Variants in KLF8 observed in about 807,000 individuals in gnomAD.
KLF8 encodes the protein Krueppel-like factor 8.
KLF8 carries 10 observed loss-of-function variants against 18.2 expected under a neutral mutation model. The observed-to-expected ratio is 0.55, with a 90% CI of 0.34 to 0.93. The LOEUF (loss-of-function observed/expected upper bound fraction) is 0.93. Ranked by LOEUF, KLF8 falls within the 40% of genes least tolerant of loss-of-function variation. KLF8 has a pLI of 0.02. For missense variants in KLF8, 264 were observed against 277.9 expected, an observed-to-expected ratio of 0.95 and a Z score of 0.36; for synonymous variants, 109 against 97.3, an observed-to-expected ratio of 1.12 and a Z score of -0.71.
chrX:56,225,023 C>T, the KLF8 span, among the ~76,000 whole-genome samples: 1 of 110,883 alleles, frequency 9.0e-6, no homozygotes, highest in Non-Finnish European at 1.9e-5. Flanking sequence ...CTCATCTTTG[C>T]AGGTGGAGCC....
the KLF8 span, among the ~76,000 whole-genome samples, chrX:55,913,165 C>T: frequency 1.8e-5 from 2 of 111,994 alleles, no homozygotes; most frequent in East Asian, 5.6e-4. Flanking sequence ...CTGTCATGTT[C>T]AGTGCTCTCT....
the KLF8 span, among the ~76,000 whole-genome samples, chrX:56,203,482 G>A: frequency 8.9e-6 from 1 of 111,954 alleles, no homozygotes; most frequent in Non-Finnish European, 1.9e-5. Flanking sequence ...GTGGAATATT[G>A]CTCAAGAAAT....
At chrX:56,179,958 T>A in the KLF8 span, among the ~76,000 whole-genome samples, 1 of 111,465 alleles carries the variant, frequency 9.0e-6, no homozygotes, top group Admixed American at 9.6e-5. Flanking sequence ...TCTCTTTTTT[T>A]TCTTGTGTCT....
chrX:56,188,882 A>G, the KLF8 span, among the ~76,000 whole-genome samples: 1 of 112,235 alleles, frequency 8.9e-6, no homozygotes, highest in African/African-American at 3.2e-5. Context: ...AGATGGATGA[A>G]AGACTTAAAT....
chrX:56,268,642 A>G (rs1350815484), intron 3 of KLF8: 71 of 722,433 alleles, frequency 9.8e-5, no homozygotes, highest in Non-Finnish European at 1.1e-4. Context: ...AGTGAATGAT[A>G]TGCAAAGTAT....
At chrX:55,969,103 G>A in the KLF8 span, among the ~76,000 whole-genome samples, 48 of 111,773 alleles carry the variant, frequency 4.3e-4, no homozygotes, top group Admixed American at 5.7e-4. Context: ...TAGACCAAAT[G>A]GATCTAATAG....
chrX:56,108,690 G>A, the KLF8 span, among the ~76,000 whole-genome samples: 4 of 110,745 alleles, frequency 3.6e-5, no homozygotes, highest in African/African-American at 1.3e-4. Context: ...TCCCTATTTT[G>A]TTTACCTCTG....
the KLF8 span, among the ~76,000 whole-genome samples, chrX:56,053,834 G>C: frequency 9.0e-6 from 1 of 110,539 alleles, no homozygotes; most frequent in Non-Finnish European, 1.9e-5. Flanking sequence ...TTGTATTTCT[G>C]TAGGGTTTGT....
chrX:56,134,482 A>G, the KLF8 span, among the ~76,000 whole-genome samples: 7 of 111,943 alleles, frequency 6.3e-5, no homozygotes, highest in East Asian at 2.0e-3. Context: ...CTATATCCTC[A>G]TCTCTCACCT....
the KLF8 span, among the ~76,000 whole-genome samples, chrX:56,007,216 A>G: frequency 1.8e-5 from 2 of 111,162 alleles, no homozygotes; most frequent in African/African-American, 6.5e-5. Flanking sequence ...CATTCCTCTG[A>G]GTGGGCATGA....
At chrX:55,959,474 A>AGGAGAAGGTTGAAACCCATTCTAAGG in the KLF8 span, among the ~76,000 whole-genome samples, 1 of 112,226 alleles carries the variant, frequency 8.9e-6, no homozygotes, top group East Asian at 2.8e-4. Context: ...ATCAAGATAG[A>AGGAGAAGGTTGAAACCCATTCTAAGG]GGAGAAGGTT....
chrX:56,282,468 CTTGATA>C lies in KLF8; in HGVS notation c.899-1843_899-1838del, dbSNP rs1380507357. 7.2e-5 allele frequency among the ~76,000 whole-genome samples: 8 copies of C among 111,825 alleles called. No homozygotes were observed. In the Admixed American group the frequency reaches 7.6e-4, roughly 11 times the overall value. On this transcript the variant is annotated intron_variant, in intron 5 of 5. Coordinates refer to ENST00000468660, the MANE Select transcript of KLF8 (RefSeq NM_007250.5). ...TGTCTTTAATCTTTGAAATGTTTGC[CTTGATA>C]TAGTCCAAAGCTGTGATTCAGACTG...
chrX:56,243,365 G>T, intron 1 of KLF8: 2 of 296,931 alleles, frequency 6.7e-6, no homozygotes, highest in Non-Finnish European at 1.2e-5. Flanking sequence ...CTTTGGCTTT[G>T]ACTTTAGGAG....
the KLF8 span, among the ~76,000 whole-genome samples, chrX:55,937,919 G>C: frequency 8.9e-6 from 1 of 112,061 alleles, no homozygotes; most frequent in African/African-American, 3.2e-5. Context: ...GAAAGTGATG[G>C]GGAGAATGGA....
intron 5 of KLF8, among the ~76,000 whole-genome samples, chrX:56,282,215 T>G (rs776514322): frequency 1.8e-5 from 2 of 112,538 alleles, no homozygotes; most frequent in Non-Finnish European, 3.8e-5. Context: ...GCCTTCCAGA[T>G]CTTTCCTCCT....
the KLF8 span, among the ~76,000 whole-genome samples, chrX:56,042,743 G>A: frequency 9.0e-6 from 1 of 111,510 alleles, no homozygotes; most frequent in Non-Finnish European, 1.9e-5. Flanking sequence ...TTTTGCCTGA[G>A]AGGGGTCTCT....
chrX:56,258,960 C>T (rs908233988), intron 2 of KLF8, among the ~76,000 whole-genome samples: 1 of 111,385 alleles, frequency 9.0e-6, no homozygotes, highest in African/African-American at 3.3e-5. Context: ...GGGTGTGTAG[C>T]TCAGGGCACA....
At chrX:56,130,060 C>G in the KLF8 span, among the ~76,000 whole-genome samples, 297 of 110,020 alleles carry the variant, frequency 2.7e-3, no homozygotes, top group African/African-American at 9.6e-3. Context: ...ACATGCCTAA[C>G]CCACCCCAGT....
the KLF8 span, among the ~76,000 whole-genome samples, chrX:56,108,461 A>T: frequency 1.8e-5 from 2 of 111,681 alleles, no homozygotes; most frequent in Non-Finnish European, 3.8e-5. Flanking sequence ...TGAGAAGATT[A>T]TGTTATCTTT....
Sources: allele counts gnomAD v4.1 joint callset (sites outside exome capture counted in the v4.1 genomes callset), GRCh38; gene constraint gnomAD v4.1.1; transcripts MANE v1.5; gene names NCBI Gene and HGNC (gene_info 2026-07-23, HGNC 2026-07-21).